SLC15A5: variants seen among roughly 807,000 people sequenced by gnomAD.
The protein encoded by SLC15A5 is Peptide/histidine transporter ENSP00000340402.
SLC15A5 carries 58 observed loss-of-function variants against 56.1 expected under a neutral mutation model. That is an observed-to-expected ratio of 1.03 (90% CI 0.84 to 1.29). The LOEUF is 1.29. Among genes scored for constraint, SLC15A5 ranks in the 50% most tolerant of loss-of-function variants. SLC15A5 has a pLI of 0.00. For missense variants in SLC15A5, 681 were observed against 672.1 expected (o/e 1.01, Z -0.15); for synonymous variants, 264 against 250.5 (o/e 1.05, Z -0.51).
At chr12:16,236,674 G>A (rs1864354867) in intron 5 of SLC15A5, among the ~76,000 whole-genome samples, 1 of 152,156 alleles carries the variant, frequency 6.6e-6, no homozygotes, top group Non-Finnish European at 1.5e-5. Flanking sequence ...ATTAGGCATT[G>A]TCATTGACTT....
chr12:16,238,192 C>A lies in SLC15A5; in HGVS notation c.1162+1489G>T, dbSNP rs186573800. On this transcript the variant is annotated intron_variant, in intron 5 of 8. Coordinates refer to ENST00000344941, the MANE Select transcript of SLC15A5 (RefSeq NM_001170798.1). The stretch of plus-strand genomic sequence containing the variant: ...ACTTTTAGTTCTAACCAAAAATAAA[C>A]CCACTCCATGATGTGATCTTGAGTG... Among the ~76,000 whole-genome samples the A allele has an allele frequency of 2.6e-5, 4 of 152,228 alleles. No individual in the cohort carries two copies. In the East Asian group the frequency reaches 7.7e-4, roughly 29 times the overall value.
At chr12:16,194,483 A>C in intron 7 of SLC15A5, 30 bp from the exon 8 acceptor site, 2 of 1,383,482 alleles carry the variant, frequency 1.4e-6, no homozygotes, top group Non-Finnish European at 2.0e-6. Flanking sequence ...TTGTTATTCA[A>C]CTGCAGAGTT....
chr12:16,250,769 A>G (rs1864511777), intron 3 of SLC15A5, among the ~76,000 whole-genome samples: 1 of 152,006 alleles, frequency 6.6e-6, no homozygotes, highest in African/African-American at 2.4e-5. Flanking sequence ...AGGCAATAAA[A>G]TGAATACTAA....
chr12:16,261,147 C>T (rs1263639912), intron 2 of SLC15A5, among the ~76,000 whole-genome samples: 1 of 151,978 alleles, frequency 6.6e-6, no homozygotes, highest in Non-Finnish European at 1.5e-5. Flanking sequence ...TATGTATGTA[C>T]ACACAAAATA....
At chr12:16,208,538 G>A (rs746001436) in intron 7 of SLC15A5, among the ~76,000 whole-genome samples, 6 of 152,046 alleles carry the variant, frequency 3.9e-5, no homozygotes, top group Non-Finnish European at 7.4e-5. Flanking sequence ...CCACGCGGTG[G>A]TGTGTGCCTA....
At position 16,237,898 on chromosome 12, in the gene SLC15A5, G is replaced by C. The variant is rs1188115960; in HGVS notation, c.1162+1783C>G. On this transcript the variant is annotated intron_variant, in intron 5 of 8. Coordinates refer to ENST00000344941, the MANE Select transcript of SLC15A5 (RefSeq NM_001170798.1). This position sits in a 1 kb window ranked among gnomAD's most constrained non-coding sequence, Gnocchi z 4.1. ...CTTGCTGAAGGTATATACAAACCAT[G>C]TCTTACTTTTCCTTTTTTATCTTTA... Among the ~76,000 whole-genome samples, 1 of 152,138 alleles carries C rather than the reference G, an allele frequency of 6.6e-6. No homozygotes were observed. The highest frequency in any genetic ancestry group is 1.5e-5 in the Non-Finnish European group (1 of 68,030).
At chr12:16,244,488 G>A in intron 4 of SLC15A5, 92 bp downstream of exon 4, 1 of 1,150,892 alleles carries the variant, frequency 8.7e-7, no homozygotes, top group African/African-American at 1.5e-5. Flanking sequence ...TATATGGAAA[G>A]CGCTCGTTGG....
chr12:16,224,681 C>A, intron 5 of SLC15A5, 79 bp from the exon 6 acceptor site: 1 of 1,308,780 alleles, frequency 7.6e-7, no homozygotes, highest in Non-Finnish European at 1.0e-6. Flanking sequence ...ACATTTCTTA[C>A]CCATTGACAT....
intron 7 of SLC15A5, among the ~76,000 whole-genome samples, chr12:16,211,299 C>T (rs1033879167): frequency 5.3e-5 from 8 of 152,176 alleles, no homozygotes; most frequent in African/African-American, 1.7e-4. Context: ...CTCAGTCATT[C>T]GTGCCGACAT....
At chr12:16,201,742 C>T (rs1388533459) in intron 7 of SLC15A5, among the ~76,000 whole-genome samples, 1 of 152,150 alleles carries the variant, frequency 6.6e-6, no homozygotes, top group Non-Finnish European at 1.5e-5. Context: ...TTGTAAGCTT[C>T]CTGAGGCCTC....
intron 7 of SLC15A5, among the ~76,000 whole-genome samples, chr12:16,199,175 AC>A (rs1863925684): frequency 6.6e-6 from 1 of 151,830 alleles, no homozygotes; most frequent in African/African-American, 2.4e-5. Context: ...CCCCCCACAG[AC>A]CCTGCTTGTT....
chr12:16,190,697 A>G (rs1416639763), intron 8 of SLC15A5, among the ~76,000 whole-genome samples: 1 of 152,122 alleles, frequency 6.6e-6, no homozygotes, highest in African/African-American at 2.4e-5. Flanking sequence ...TGAAGGTTTC[A>G]AAAGTTAATT....
At chr12:16,193,780 GGA>G (rs766458422) in intron 8 of SLC15A5, among the ~76,000 whole-genome samples, 1,407 of 75,650 alleles carry the variant, frequency 0.019, 268 homozygotes, top group East Asian at 0.044. Context: ...TATGTCAAGG[GGA>G]GAGAGAGAGA....
intron 7 of SLC15A5, among the ~76,000 whole-genome samples, chr12:16,199,891 C>T (rs1050697308): frequency 6.6e-6 from 1 of 152,062 alleles, no homozygotes. Context: ...ATGCTTGACA[C>T]TGTGGTCTAT....
At chr12:16,248,879 G>T (rs1456534181) in intron 3 of SLC15A5, among the ~76,000 whole-genome samples, 1 of 152,042 alleles carries the variant, frequency 6.6e-6, no homozygotes, top group Non-Finnish European at 1.5e-5. Flanking sequence ...TGGTTTAAAT[G>T]TGCATGGCAA....
At chr12:16,232,857 A>C (rs1864311147) in intron 5 of SLC15A5, among the ~76,000 whole-genome samples, 1 of 152,120 alleles carries the variant, frequency 6.6e-6, no homozygotes, top group Non-Finnish European at 1.5e-5. Flanking sequence ...TGGAGGTTGC[A>C]GTGAGCCAAG....
chr12:16,270,206 A>G (rs546962989), intron 2 of SLC15A5, among the ~76,000 whole-genome samples: 1 of 152,296 alleles, frequency 6.6e-6, no homozygotes, highest in African/African-American at 2.4e-5. Context: ...TGAGACTTCC[A>G]GTCTATGCTA....
chr12:16,218,642 A>G (rs1335706119), intron 6 of SLC15A5, among the ~76,000 whole-genome samples: 1 of 152,172 alleles, frequency 6.6e-6, no homozygotes, highest in Non-Finnish European at 1.5e-5. Flanking sequence ...AGCTGAACAT[A>G]TCTAAACACA....
At chr12:16,239,595 G>T in intron 5 of SLC15A5, 86 bp downstream of exon 5, 2 of 1,291,748 alleles carry the variant, frequency 1.5e-6, no homozygotes, top group South Asian at 1.5e-5. Flanking sequence ...CACTACTCAG[G>T]AGCATATAGC....
Sources: allele counts gnomAD v4.1 joint callset (sites outside exome capture counted in the v4.1 genomes callset), GRCh38; gene constraint gnomAD v4.1.1; non-coding constraint Gnocchi (gnomAD v3.1); transcripts MANE v1.5; gene names NCBI Gene and HGNC (gene_info 2026-07-23, HGNC 2026-07-21).